Variants in HDAC4 observed in about 807,000 individuals in gnomAD.
HDAC4 encodes histone deacetylase A.
A neutral mutation model predicts 135.1 loss-of-function variants in HDAC4; 16 were observed. The ratio of observed to expected loss-of-function variants is 0.12; its 90% CI spans 0.08 to 0.18. The LOEUF (loss-of-function observed/expected upper bound fraction) is 0.18. HDAC4 is among the 10% of genes least tolerant of loss of function. HDAC4 has a pLI of 1.00. For synonymous variants in HDAC4, 685 were observed against 653.4 expected (o/e 1.05, Z -0.74); for missense variants, 1,143 against 1,511.8 (o/e 0.76, Z 4.05).
At position 239,246,153 on chromosome 2, in the gene HDAC4, G is replaced by A. The variant is rs562139058; in HGVS notation, c.23-9489C>T. ...CTTAGTCGGGTGATAGGGACAAAAC[G>A]TGCAAACTGAGCCCGCTGGACACGC... On this transcript the variant is annotated intron_variant, in intron 2 of 26. Coordinates refer to ENST00000543185, the MANE Select transcript of HDAC4 (RefSeq NM_001378414.1). 4.6e-5 allele frequency among the ~76,000 whole-genome samples: 7 copies of A among 152,296 alleles called. No homozygotes were observed. The East Asian group carries it at 1.4e-3, about 29-fold the overall frequency.
chr2:239,123,048 C>T (rs1475000388), intron 12 of HDAC4, among the ~76,000 whole-genome samples: 1 of 152,216 alleles, frequency 6.6e-6, no homozygotes, highest in East Asian at 1.9e-4. Context: ...TTTCAATCAA[C>T]TGTCATTCAC....
chr2:239,344,063 GT>G (rs769953199), intron 2 of HDAC4, among the ~76,000 whole-genome samples: 10 of 152,160 alleles, frequency 6.6e-5, no homozygotes, highest in Non-Finnish European at 1.3e-4. Flanking sequence ...ATTATGATGA[GT>G]TTTGAACACC....
chr2:239,361,611 C>T (rs1693873428), intron 1 of HDAC4, among the ~76,000 whole-genome samples: 1 of 152,172 alleles, frequency 6.6e-6, no homozygotes, highest in Non-Finnish European at 1.5e-5. Context: ...CTAAATGGAA[C>T]CCCTCATAAA....
At chr2:239,157,510 G>A (rs2042502829) in intron 6 of HDAC4, among the ~76,000 whole-genome samples, 1 of 152,214 alleles carries the variant, frequency 6.6e-6, no homozygotes, top group Non-Finnish European at 1.5e-5. Context: ...GACGGACATG[G>A]GGAGGAGGCG....
Position 239,048,531 on chromosome 2 carries a change from T to C in HDAC4, c.*4566A>G, listed in dbSNP as rs1008238898. The C allele has an allele frequency of 2.0e-5, 3 of 150,726 alleles. No individual in the cohort carries two copies. Among genetic ancestry groups the C allele is most frequent in the African/African-American group, 7.4e-5 (3 of 40,652 alleles). The allele number at this position is 150,726 out of a possible 1,614,324, so 9.3% of individuals were successfully genotyped here. ...TTTTCTACCACATTCCGTAAGAAGC[T>C]CTTGGGTGAGTAAGGTTCAAGCCCC... On this transcript the variant is annotated 3_prime_UTR_variant, in exon 27 of 27. Coordinates refer to ENST00000543185, the MANE Select transcript of HDAC4 (RefSeq NM_001378414.1).
chr2:239,102,025 C>A (rs55756265), intron 16 of HDAC4, among the ~76,000 whole-genome samples: 1 of 135,758 alleles, frequency 7.4e-6, no homozygotes, highest in African/African-American at 2.8e-5. Flanking sequence ...CCCCCGGCCC[C>A]GGGTCCACGT....
At chr2:239,265,744 C>T (rs983551874) in intron 2 of HDAC4, among the ~76,000 whole-genome samples, 2 of 152,234 alleles carry the variant, frequency 1.3e-5, no homozygotes, top group Non-Finnish European at 2.9e-5. Context: ...TGCAGGATCC[C>T]AAACAACAGT....
At chr2:239,112,603 G>A (rs1241956623) in intron 13 of HDAC4, among the ~76,000 whole-genome samples, 2 of 152,150 alleles carry the variant, frequency 1.3e-5, no homozygotes, top group Non-Finnish European at 2.9e-5. Flanking sequence ...GGGATTCTGG[G>A]AACAGGCTGA....
chr2:239,343,096 T>C (rs1692395371), intron 2 of HDAC4, among the ~76,000 whole-genome samples: 1 of 152,234 alleles, frequency 6.6e-6, no homozygotes, highest in South Asian at 2.1e-4. Flanking sequence ...ACTGATTAGG[T>C]GGCTGAAAGC....
At chr2:239,153,352 A>C (rs1400950043) in intron 7 of HDAC4, among the ~76,000 whole-genome samples, 1 of 152,230 alleles carries the variant, frequency 6.6e-6, no homozygotes, top group Non-Finnish European at 1.5e-5. Flanking sequence ...AAAATCATAT[A>C]ATTATTTAAG....
rs2041245919 is a variant in HDAC4 at position 239,139,925 on chromosome 2, A to C, written c.866-129T>G. Reference sequence around the variant, plus strand: ...GCTTGCGACAGGCAGAAGTCCCAACAAAAAGAACATGGCCATGGTTTCAAA... The same window carrying C: ...GCTTGCGACAGGCAGAAGTCCCAACCAAAAGAACATGGCCATGGTTTCAAA... On this transcript the variant is annotated intron_variant, in intron 8 of 26. Transcript: ENST00000543185. The surrounding 1 kb of genome is among the most constrained non-coding windows in gnomAD (Gnocchi z 5.3). 1 of 680,276 alleles carries C rather than the reference A, an allele frequency of 1.5e-6. No individual in the cohort carries two copies. 42.1% of individuals were successfully genotyped at this position (680,276 alleles called of 1,614,324 possible).
At chr2:239,266,324 G>A (rs372965470) in intron 2 of HDAC4, among the ~76,000 whole-genome samples, 7 of 152,314 alleles carry the variant, frequency 4.6e-5, no homozygotes, top group African/African-American at 1.7e-4. Context: ...CTGAGATTCT[G>A]ACTGTCCTCA....
chr2:239,297,166 A>T (rs777216177), intron 2 of HDAC4, among the ~76,000 whole-genome samples: 2 of 152,154 alleles, frequency 1.3e-5, no homozygotes, highest in African/African-American at 4.8e-5. Context: ...AAGCTCTGAC[A>T]GAAGTGGAGA....
intron 1 of HDAC4, among the ~76,000 whole-genome samples, chr2:239,369,313 G>A (rs1286424020): frequency 1.3e-5 from 2 of 152,262 alleles, no homozygotes; most frequent in East Asian, 1.9e-4. Context: ...GCATGTCTAC[G>A]GTTGGAGCTC....
At chr2:239,175,476 A>G (rs1463065011) in intron 5 of HDAC4, among the ~76,000 whole-genome samples, 2 of 152,194 alleles carry the variant, frequency 1.3e-5, no homozygotes, top group East Asian at 1.9e-4. Context: ...CGTCCCTCTA[A>G]CTGTCCAAAG....
intron 21 of HDAC4, 27 bp downstream of exon 21, chr2:239,082,075 C>A (rs199957914): frequency 4.8e-5 from 78 of 1,613,426 alleles, no homozygotes; most frequent in Middle Eastern, 1.7e-4. Context: ...CCCTTTCCCC[C>A]CAGAGGCCCT....
chr2:239,082,037 G>C, intron 21 of HDAC4, 65 bp downstream of exon 21: 58 of 1,382,140 alleles, frequency 4.2e-5, no homozygotes, highest in Non-Finnish European at 5.3e-5. Context: ...CGTCTGCCCC[G>C]TGCCCCCACA....
chr2:239,275,503 G>A (rs150741960), intron 2 of HDAC4, among the ~76,000 whole-genome samples: 354 of 152,296 alleles, frequency 2.3e-3, no homozygotes, highest in Non-Finnish European at 4.0e-3. Flanking sequence ...TGGCAGTGGC[G>A]ATGTCATGGC....
chr2:239,342,063 C>T (rs1692331693), intron 2 of HDAC4, among the ~76,000 whole-genome samples: 1 of 152,170 alleles, frequency 6.6e-6, no homozygotes, highest in Non-Finnish European at 1.5e-5. Context: ...TCTTGGACTT[C>T]CCAGCCCCCA....
Sources: allele counts gnomAD v4.1 joint callset (sites outside exome capture counted in the v4.1 genomes callset), GRCh38; gene constraint gnomAD v4.1.1; non-coding constraint Gnocchi (gnomAD v3.1); transcripts MANE v1.5; gene names NCBI Gene and HGNC (gene_info 2026-07-23, HGNC 2026-07-21).